The following NRCAM variants were observed in gnomAD, a reference collection of about 807,000 sequenced individuals.
The protein encoded by NRCAM is NgCAM-related cell adhesion molecule.
In NRCAM, 83 loss-of-function variants were observed where a neutral mutation model predicts 156.5. The observed-to-expected ratio is 0.53, with a 90% CI of 0.44 to 0.64. NRCAM has a LOEUF of 0.64. Among genes scored for constraint, NRCAM ranks in the 30% least tolerant of loss-of-function variants. The pLI is 0.00. For missense variants in NRCAM, 1,417 were observed against 1,597.3 expected (o/e 0.89, Z 1.92); for synonymous variants, 538 against 563.9 (o/e 0.95, Z 0.65).
chr7:108,320,464 G>A (rs1216441851), intron 2 of NRCAM, among the ~76,000 whole-genome samples: 2 of 145,966 alleles, frequency 1.4e-5, no homozygotes, highest in South Asian at 2.2e-4. Flanking sequence ...AAAACAAAAC[G>A]GTCTCTTAAG....
chr7:108,242,201 G>A (rs534402406), intron 3 of NRCAM, among the ~76,000 whole-genome samples: 12 of 139,984 alleles, frequency 8.6e-5, no homozygotes, highest in African/African-American at 2.7e-4. Context: ...CTTAGCTGCC[G>A]TGAACCGAGA....
chr7:108,236,207 A>G (rs1382019482), intron 5 of NRCAM, among the ~76,000 whole-genome samples: 1 of 152,134 alleles, frequency 6.6e-6, no homozygotes, highest in African/African-American at 2.4e-5. Flanking sequence ...ATAAATCTAT[A>G]AACCCGGTTG....
rs765352461 is a variant in NRCAM, at chr7:108,226,282, T to C, written c.647A>G (p.Tyr216Cys). ...ATGATTAAATCTAGCATAACAGATA[T>C]AGTCTTCGCGGGTGTCCTCTGGGAG... ...NVLPEDTRED[Y>C]ICYARFNHTQ... Residue 216 changes from tyrosine to cysteine, a missense_variant, in exon 9 of 33, where the codon TAT (tyrosine) becomes TGT (cysteine). Coordinates refer to ENST00000379028, the MANE Select transcript of NRCAM (RefSeq NM_001037132.4). The C allele has an allele frequency of 1.8e-5, 29 of 1,609,636 alleles. No individual in the cohort carries two copies. Among genetic ancestry groups the C allele is most frequent in the South Asian group, 3.3e-5 (3 of 90,982 alleles).
chr7:108,230,047 G>A (rs1320122858), intron 8 of NRCAM, among the ~76,000 whole-genome samples: 1 of 152,038 alleles, frequency 6.6e-6, no homozygotes, highest in Admixed American at 6.6e-5. Flanking sequence ...CTGACACTTG[G>A]TAAAGGCCCA....
At chr7:108,418,256 G>A (rs1227640239) in intron 1 of NRCAM, among the ~76,000 whole-genome samples, 1 of 152,080 alleles carries the variant, frequency 6.6e-6, no homozygotes, top group East Asian at 1.9e-4. Flanking sequence ...TCCAGAAATT[G>A]GTAGAGATTC....
chr7:108,167,306 A>G lies in NRCAM; in HGVS notation c.3314-233T>C, dbSNP rs577118126. Among the ~76,000 whole-genome samples, 109 of 152,308 alleles carry G rather than the reference A, an allele frequency of 7.2e-4. 3 individuals are homozygous for G. The South Asian group carries it at 0.021, about 29-fold the overall frequency. ...GGTATCTAGCTTGCTTATTAATTGT[A>G]TATATTCCCATTGTATTAATTCTCC... On this transcript the variant is annotated intron_variant, in intron 29 of 32. Transcript: ENST00000379028.
At chr7:108,221,536 T>TAATG (rs2092285009) in intron 11 of NRCAM, among the ~76,000 whole-genome samples, 1 of 152,206 alleles carries the variant, frequency 6.6e-6, no homozygotes, top group Admixed American at 6.5e-5. Flanking sequence ...AGGAATGAAT[T>TAATG]AATGGCATTT....
At chr7:108,258,368 C>T (rs1468305279) in intron 3 of NRCAM, among the ~76,000 whole-genome samples, 1 of 152,180 alleles carries the variant, frequency 6.6e-6, no homozygotes, top group Admixed American at 6.5e-5. Context: ...CCTTCTCTTT[C>T]CAGCTTAGGT....
intron 9 of NRCAM, 127 bp from the exon 10 acceptor site, chr7:108,225,828 T>C: frequency 1.4e-6 from 1 of 734,192 alleles, no homozygotes; most frequent in Non-Finnish European, 2.5e-6. Flanking sequence ...GTAAAAACAG[T>C]GCTTTACATT....
At chr7:108,417,530 C>T (rs567392891) in intron 1 of NRCAM, among the ~76,000 whole-genome samples, 58 of 152,142 alleles carry the variant, frequency 3.8e-4, no homozygotes, top group Non-Finnish European at 6.9e-4. Context: ...TAAATTTCAA[C>T]GCGAATTTTG....
intron 2 of NRCAM, among the ~76,000 whole-genome samples, chr7:108,326,157 C>T (rs1028362639): frequency 3.3e-5 from 5 of 152,044 alleles, no homozygotes; most frequent in African/African-American, 1.2e-4. Context: ...TCTACGCATA[C>T]ACATGTTTTG....
chr7:108,291,543 T>C (rs557545262), intron 3 of NRCAM, among the ~76,000 whole-genome samples: 45 of 152,326 alleles, frequency 3.0e-4, no homozygotes, highest in Middle Eastern at 6.8e-3. Flanking sequence ...TGGCTAACGA[T>C]AGTTATCACT....
intron 1 of NRCAM, among the ~76,000 whole-genome samples, chr7:108,402,498 A>G (rs898793307): frequency 2.0e-5 from 3 of 152,224 alleles, no homozygotes; most frequent in African/African-American, 4.8e-5. Flanking sequence ...GGGAAGAAAC[A>G]GAAGAGTGGT....
rs145855025 is a variant in NRCAM, at chr7:108,234,619, A to T, written c.194T>A (p.Val65Glu). ...TTTCCCTTTGGCTTCACACTGGATT[A>T]CAATATTCTCCCGAGGGTCAATAAT... ...DYIIDPRENIVIQCEAKGKPP... is the reference protein window; with the variant it reads ...DYIIDPRENIEIQCEAKGKPP... The change falls in exon 6 of 33, where the codon GTA becomes GAA. Residue 65 changes from valine (V) to glutamate (E), a missense_variant. This residue lies in a region of NRCAM where 1,238 missense variants were observed against 1,336.4 expected (regional missense o/e 0.93). Coordinates refer to ENST00000379028, the MANE Select transcript of NRCAM (RefSeq NM_001037132.4). 5.0e-6 allele frequency: 8 copies of T among 1,613,162 alleles called. No homozygotes were observed. The highest frequency in any genetic ancestry group is 5.1e-6 in the Non-Finnish European group (6 of 1,179,386).
At chr7:108,426,814 C>T (rs1043750363) in intron 1 of NRCAM, among the ~76,000 whole-genome samples, 9 of 152,198 alleles carry the variant, frequency 5.9e-5, no homozygotes, top group Non-Finnish European at 1.2e-4. Flanking sequence ...GGGTCGGCAA[C>T]AATGTGTAAA....
intron 3 of NRCAM, among the ~76,000 whole-genome samples, chr7:108,286,758 C>G (rs1591766615): frequency 3.3e-5 from 5 of 152,116 alleles, no homozygotes; most frequent in Admixed American, 3.3e-4. Flanking sequence ...TTCAAAGCCA[C>G]GTCTGTGTTA....
chr7:108,341,661 A>G (rs1460435655), intron 2 of NRCAM, among the ~76,000 whole-genome samples: 2 of 152,158 alleles, frequency 1.3e-5, no homozygotes, highest in African/African-American at 4.8e-5. Context: ...AAAAATGCCC[A>G]TCCTGTTCAA....
chr7:108,155,189 C>CA (rs898959721), intron 32 of NRCAM, among the ~76,000 whole-genome samples: 5 of 150,062 alleles, frequency 3.3e-5, no homozygotes, highest in African/African-American at 1.2e-4. Context: ...GAGTAGGCAG[C>CA]AGTAGTATTC....
At chr7:108,178,681 G>A (rs79698902) in intron 25 of NRCAM, among the ~76,000 whole-genome samples, 3,859 of 152,268 alleles carry the variant, frequency 0.025, 75 homozygotes, top group Middle Eastern at 0.088. Flanking sequence ...CCCTGGGGAA[G>A]GCCCGAGGGG....
Sources: allele counts gnomAD v4.1 joint callset (sites outside exome capture counted in the v4.1 genomes callset), GRCh38; gene constraint gnomAD v4.1.1; regional missense constraint gnomAD v4.1.1; transcripts MANE v1.5; gene names NCBI Gene and HGNC (gene_info 2026-07-23, HGNC 2026-07-21).